Variants in SLC25A33 observed in about 807,000 individuals in gnomAD.
The protein encoded by SLC25A33 is solute carrier family 25 member 33.
Under a neutral mutation model 35.5 loss-of-function variants are expected in SLC25A33, and 15 were observed. The ratio of observed to expected loss-of-function variants is 0.42; its 90% CI spans 0.28 to 0.65. The LOEUF is 0.65. Ranked by LOEUF, SLC25A33 falls within the 30% of genes least tolerant of loss-of-function variation. SLC25A33 has a pLI of 0.20. For missense variants in SLC25A33, 257 were observed against 398.5 expected (o/e 0.64, Z 3.02); for synonymous variants, 136 against 148.7 (o/e 0.91, Z 0.62).
chr1:9,583,327 A>G lies in SLC25A33; in HGVS notation c.*826A>G, dbSNP rs957521182. On this transcript the variant is annotated 3_prime_UTR_variant, in exon 7 of 7. Coordinates refer to ENST00000302692, the MANE Select transcript of SLC25A33 (RefSeq NM_032315.3). ...CCAATTACTTGCAGATTGATCATCTAAGCGTTCAGACTGCTGAGATGAATA... is the reference window on the plus strand; with the variant it reads ...CCAATTACTTGCAGATTGATCATCTGAGCGTTCAGACTGCTGAGATGAATA... The G allele has an allele frequency of 3.3e-5, 5 of 152,222 alleles. No individual in the cohort carries two copies. Among genetic ancestry groups the G allele is most frequent in the African/African-American group, 1.2e-4 (5 of 41,460 alleles). 9.4% of individuals were successfully genotyped at this position (152,222 alleles called of 1,614,324 possible). A position where few individuals can be genotyped will look rare whatever the true frequency, so the allele number is the denominator to read the frequency against.
At chr1:9,553,413 T>G (rs1398921933) in intron 1 of SLC25A33, among the ~76,000 whole-genome samples, 1 of 151,666 alleles carries the variant, frequency 6.6e-6, no homozygotes, top group Non-Finnish European at 1.5e-5. Flanking sequence ...TTTTGTATTT[T>G]TAGTAGAGAC....
chr1:9,580,284 G>A, intron 6 of SLC25A33, 50 bp downstream of exon 6: 2 of 1,587,990 alleles, frequency 1.3e-6, no homozygotes, highest in Non-Finnish European at 1.7e-6. Context: ...TGTCACGTTT[G>A]TTGTTTGTGG....
chr1:9,583,359 A>T lies in SLC25A33; in HGVS notation c.*858A>T, dbSNP rs989503180. The T allele has an allele frequency of 1.3e-5, 2 of 152,186 alleles. No homozygotes were observed. Among genetic ancestry groups the T allele is most frequent in the African/African-American group, 2.4e-5 (1 of 41,442 alleles). 9.4% of individuals were successfully genotyped at this position (152,186 alleles called of 1,614,324 possible). A position where few individuals can be genotyped will look rare whatever the true frequency, so the allele number is the denominator to read the frequency against. On this transcript the variant is annotated 3_prime_UTR_variant, in exon 7 of 7. Coordinates refer to ENST00000302692, the MANE Select transcript of SLC25A33 (RefSeq NM_032315.3). ...CAGACTGCTGAGATGAATATATATAACTTTCTGAGACTCAATATTTTAAGC... is the reference window on the plus strand; with the variant it reads ...CAGACTGCTGAGATGAATATATATATCTTTCTGAGACTCAATATTTTAAGC...
chr1:9,569,245 C>CAA (rs1274888663), intron 3 of SLC25A33, among the ~76,000 whole-genome samples: 20 of 103,054 alleles, frequency 1.9e-4, no homozygotes, highest in African/African-American at 4.5e-4. Context: ...AACTCCATCT[C>CAA]AAAAAAAAAA....
At chr1:9,559,668 A>T (rs114926448) in intron 2 of SLC25A33, among the ~76,000 whole-genome samples, 382 of 152,260 alleles carry the variant, frequency 2.5e-3, no homozygotes, top group African/African-American at 8.8e-3. Flanking sequence ...CAGGACTTAC[A>T]TAAAAACAAT....
At chr1:9,556,263 G>T (rs144934207) in intron 2 of SLC25A33, 1 of 982,560 alleles carries the variant, frequency 1.0e-6, no homozygotes, top group African/African-American at 1.7e-5. Context: ...GACAGGTAAT[G>T]TTACTTCAGT....
intron 2 of SLC25A33, among the ~76,000 whole-genome samples, chr1:9,561,464 G>A (rs1643423529): frequency 6.6e-6 from 1 of 151,988 alleles, no homozygotes; most frequent in African/African-American, 2.4e-5. Context: ...GTGACTGTGG[G>A]AAAATGAGTC....
At chr1:9,581,679 A>C (rs1643746639) in intron 6 of SLC25A33, among the ~76,000 whole-genome samples, 1 of 151,814 alleles carries the variant, frequency 6.6e-6, no homozygotes, top group Non-Finnish European at 1.5e-5. Flanking sequence ...CAGTGAGCCA[A>C]GATCGTACCG....
intron 6 of SLC25A33, among the ~76,000 whole-genome samples, chr1:9,580,786 G>A (rs1643731978): frequency 6.6e-6 from 1 of 151,290 alleles, no homozygotes; most frequent in South Asian, 2.1e-4. Flanking sequence ...AACCCGGGAG[G>A]TGGAGGTTGC....
intron 2 of SLC25A33, among the ~76,000 whole-genome samples, chr1:9,564,588 A>T (rs1335645765): frequency 1.3e-5 from 2 of 151,394 alleles, no homozygotes; most frequent in African/African-American, 4.9e-5. Flanking sequence ...TTCAGCCTTT[A>T]AAAAAAAGGA....
At chr1:9,553,230 G>C (rs7554946) in intron 1 of SLC25A33, among the ~76,000 whole-genome samples, 1 of 91,214 alleles carries the variant, frequency 1.1e-5, no homozygotes, top group African/African-American at 4.4e-5. Flanking sequence ...TTTTTTTTGG[G>C]TTTTTTTTTT....
intron 2 of SLC25A33, among the ~76,000 whole-genome samples, chr1:9,562,854 CAA>C (rs757742086): frequency 3.6e-5 from 2 of 56,142 alleles, no homozygotes; most frequent in Non-Finnish European, 3.7e-5. Flanking sequence ...AACTCCGTTT[CAA>C]AAAAAAAAAA....
At chr1:9,544,971 CT>C (rs1288688740) in intron 1 of SLC25A33, among the ~76,000 whole-genome samples, 1 of 152,108 alleles carries the variant, frequency 6.6e-6, no homozygotes, top group African/African-American at 2.4e-5. Flanking sequence ...CATAAAGTTA[CT>C]TTTTTTAAAA....
At chr1:9,579,198 G>C (rs1240553477) in intron 5 of SLC25A33, among the ~76,000 whole-genome samples, 3 of 152,194 alleles carry the variant, frequency 2.0e-5, no homozygotes, top group African/African-American at 7.2e-5. Context: ...CAAATGTGTA[G>C]GGGGTTTTCC....
In SLC25A33 at chr1:9,583,989, C is replaced by CA. The variant is rs1011106132; in HGVS notation, c.*1489dup. 1.4e-5 allele frequency: 2 copies of CA among 142,338 alleles called. No homozygotes were observed. Among genetic ancestry groups the CA allele is most frequent in the African/African-American group, 5.3e-5 (2 of 37,842 alleles). 8.8% of individuals were successfully genotyped at this position (142,338 alleles called of 1,614,324 possible). On this transcript the variant is annotated 3_prime_UTR_variant, in exon 7 of 7. Coordinates refer to ENST00000302692, the MANE Select transcript of SLC25A33 (RefSeq NM_032315.3). ...CAGCCTGGGCCACAGAGTGCGACTC[C>CA]ATCTCAAAAAAAAAAAAAAAACCAG...
At position 9,584,882 on chromosome 1, in the gene SLC25A33, T is replaced by C. The variant is rs151142088; in HGVS notation, c.*2381T>C. 41 of 152,290 alleles carry C rather than the reference T, an allele frequency of 2.7e-4. No individual in the cohort carries two copies. The highest frequency in any genetic ancestry group is 8.7e-4 in the African/African-American group (36 of 41,560). 9.4% of individuals were successfully genotyped at this position (152,290 alleles called of 1,614,324 possible). On this transcript the variant is annotated 3_prime_UTR_variant, in exon 7 of 7. Coordinates refer to ENST00000302692, the MANE Select transcript of SLC25A33 (RefSeq NM_032315.3). ...GGAAAGTACCACCATGCCCAGCTAA[T>C]GTTTTTTCATTTTTTGTGCAGACGA...
intron 1 of SLC25A33, among the ~76,000 whole-genome samples, chr1:9,547,290 C>T (rs1405399206): frequency 6.6e-6 from 1 of 152,094 alleles, no homozygotes; most frequent in Non-Finnish European, 1.5e-5. Flanking sequence ...CCCATCTCTA[C>T]TAAAAATACA....
Position 9,582,273 on chromosome 1 carries a change from TA to T in SLC25A33, c.764-23del. ...TTCGTTCCCCATTTAATATGTGGCG[TA>T]AAGTAGGTCTTTCTCTCTCTGCAGA... On this transcript the variant is annotated intron_variant, in intron 6 of 6. Transcript: ENST00000302692. The surrounding 1 kb of genome is among the most constrained non-coding windows in gnomAD (Gnocchi z 4.0). 6.2e-7 allele frequency: 1 copy of T among 1,612,430 alleles called. No individual in the cohort carries two copies. The highest frequency in any genetic ancestry group is 8.5e-7 in the Non-Finnish European group (1 of 1,178,504).
At chr1:9,550,820 C>T (rs984821637) in intron 1 of SLC25A33, among the ~76,000 whole-genome samples, 4 of 151,780 alleles carry the variant, frequency 2.6e-5, no homozygotes, top group Non-Finnish European at 4.4e-5. Flanking sequence ...TACAGGCGCA[C>T]ATCACCACAC....
Sources: allele counts gnomAD v4.1 joint callset (sites outside exome capture counted in the v4.1 genomes callset), GRCh38; gene constraint gnomAD v4.1.1; non-coding constraint Gnocchi (gnomAD v3.1); transcripts MANE v1.5; gene names NCBI Gene and HGNC (gene_info 2026-07-23, HGNC 2026-07-21).